Variants in CACNA2D3 observed in about 807,000 individuals in gnomAD.
CACNA2D3 encodes voltage-dependent calcium channel subunit alpha-2/delta-3.
CACNA2D3 carries 60 observed loss-of-function variants against 160.6 expected under a neutral mutation model. The ratio of observed to expected loss-of-function variants is 0.37; its 90% CI spans 0.30 to 0.46. The LOEUF is 0.46. Among genes scored for constraint, CACNA2D3 ranks in the 20% least tolerant of loss-of-function variants. The pLI, the probability that CACNA2D3 is intolerant of heterozygous loss-of-function variation, is 1.00. For missense variants in CACNA2D3, 1,205 were observed against 1,365.0 expected (o/e 0.88, Z 1.85); for synonymous variants, 558 against 492.9 (o/e 1.13, Z -1.75).
chr3:55,003,931 G>C (rs1326656028), intron 31 of CACNA2D3, among the ~76,000 whole-genome samples: 1 of 152,174 alleles, frequency 6.6e-6, no homozygotes, highest in African/African-American at 2.4e-5. Flanking sequence ...CAGGGAGCAA[G>C]GTCGGAGAAA....
intron 2 of CACNA2D3, among the ~76,000 whole-genome samples, chr3:54,152,472 T>C (rs544655815): frequency 5.9e-5 from 9 of 152,232 alleles, no homozygotes; most frequent in Non-Finnish European, 1.0e-4. Flanking sequence ...TTGAACAGTC[T>C]AGCAAATAGT....
intron 3 of CACNA2D3, among the ~76,000 whole-genome samples, chr3:54,380,408 C>G (rs964816113): frequency 7.2e-5 from 11 of 152,244 alleles, no homozygotes; most frequent in African/African-American, 2.7e-4. Context: ...CAGGTACACA[C>G]TGATGGACAA....
intron 2 of CACNA2D3, among the ~76,000 whole-genome samples, chr3:54,304,755 T>TA (rs1238642040): frequency 6.6e-6 from 1 of 152,198 alleles, no homozygotes; most frequent in African/African-American, 2.4e-5. Context: ...ATCACATCCT[T>TA]ACTTTTCTAT....
chr3:54,702,110 T>A (rs1303378806), intron 11 of CACNA2D3, among the ~76,000 whole-genome samples: 1 of 151,950 alleles, frequency 6.6e-6, no homozygotes, highest in Non-Finnish European at 1.5e-5. Context: ...AAAAATCAAC[T>A]CAAGATGGAT....
intron 3 of CACNA2D3, among the ~76,000 whole-genome samples, chr3:54,354,034 A>C (rs1189564400): frequency 6.6e-6 from 1 of 152,088 alleles, no homozygotes; most frequent in African/African-American, 2.4e-5. Flanking sequence ...TACTCTGTCA[A>C]ATATTTAAGG....
intron 4 of CACNA2D3, among the ~76,000 whole-genome samples, chr3:54,391,393 A>G (rs1017151648): frequency 2.0e-5 from 3 of 152,208 alleles, no homozygotes; most frequent in Non-Finnish European, 2.9e-5. Flanking sequence ...TTGGGGCAAG[A>G]GGCAAAATGC....
intron 27 of CACNA2D3, among the ~76,000 whole-genome samples, chr3:54,911,398 TC>T (rs1700554121): frequency 8.0e-6 from 1 of 125,786 alleles, no homozygotes; most frequent in South Asian, 2.8e-4. Context: ...CACACGTTTT[TC>T]CCCAGACTGG....
At position 54,537,388 on chromosome 3, in the gene CACNA2D3, G is replaced by A. The variant is rs544652091; in HGVS notation, c.545-25412G>A. On this transcript the variant is annotated intron_variant, in intron 5 of 37. Transcript: ENST00000474759. ...GAAATGCTTCAAACACACGTACCCC[G>A]TCCCTTGCTTGCCTCTCTGTGAAAT... Among the ~76,000 whole-genome samples the A allele has an allele frequency of 1.4e-4, 22 of 152,112 alleles. 1 individual carries two copies. The South Asian group carries it at 1.9e-3, about 13-fold the overall frequency.
chr3:54,853,156 G>A lies in CACNA2D3; in HGVS notation c.1626+6689G>A, dbSNP rs115331385. ...TCAGATGTCACCTCAGAGAAGCATC[G>A]CTGCGCCCACCCAGAGAAGCCATAC... On this transcript the variant is annotated intron_variant, in intron 17 of 37. Transcript: ENST00000474759. Among the ~76,000 whole-genome samples, 1,417 of 151,460 alleles carry A rather than the reference G, an allele frequency of 9.4e-3. 29 individuals carry two copies. The highest frequency in any genetic ancestry group is 0.032 in the African/African-American group (1,320 of 41,276).
chr3:54,202,147 G>T (rs1701190932), intron 2 of CACNA2D3, among the ~76,000 whole-genome samples: 1 of 152,178 alleles, frequency 6.6e-6, no homozygotes, highest in African/African-American at 2.4e-5. Context: ...CCTAGCCTGG[G>T]AATCCACCCT....
chr3:54,916,657 CTG>C (rs1179342521), intron 27 of CACNA2D3, among the ~76,000 whole-genome samples: 2 of 151,746 alleles, frequency 1.3e-5, no homozygotes, highest in African/African-American at 4.8e-5. Context: ...TAGATTGTCT[CTG>C]TGATTATTAG....
At chr3:54,387,040 G>C (rs1699199501) in intron 4 of CACNA2D3, among the ~76,000 whole-genome samples, 1 of 152,134 alleles carries the variant, frequency 6.6e-6, no homozygotes, top group African/African-American at 2.4e-5. Context: ...AGTTAAATCG[G>C]TCAACTGACA....
chr3:54,898,822 C>T (rs185083116), intron 26 of CACNA2D3, among the ~76,000 whole-genome samples: 104 of 152,182 alleles, frequency 6.8e-4, no homozygotes, highest in Admixed American at 2.5e-3. Flanking sequence ...TTACAGATGA[C>T]GTAACATCTT....
intron 11 of CACNA2D3, among the ~76,000 whole-genome samples, chr3:54,717,725 GGTGT>G (rs370029148): frequency 1.5e-4 from 20 of 137,916 alleles, no homozygotes; most frequent in Admixed American, 5.2e-4. Flanking sequence ...GTGCGTGTGC[GGTGT>G]GTGTGTGCAT....
At position 54,243,278 on chromosome 3, in the gene CACNA2D3, G is replaced by A. The variant is rs146865925; in HGVS notation, c.205-77164G>A. 5.8e-4 allele frequency among the ~76,000 whole-genome samples: 88 copies of A among 152,326 alleles called. No individual in the cohort carries two copies. In the East Asian group the frequency reaches 0.013, roughly 22 times the overall value. On this transcript the variant is annotated intron_variant, in intron 2 of 37. Coordinates refer to ENST00000474759, the MANE Select transcript of CACNA2D3 (RefSeq NM_018398.3). ...ATTGCGTGGGCTGTCAAATGTTTGC[G>A]AAACGGCAGCTGATGCCAGAAGAAT...
chr3:54,761,861 C>A (rs1702086237), intron 12 of CACNA2D3, among the ~76,000 whole-genome samples: 1 of 152,190 alleles, frequency 6.6e-6, no homozygotes, highest in African/African-American at 2.4e-5. Context: ...TTCAAACCAG[C>A]TGGCCTTTGT....
intron 15 of CACNA2D3, 134 bp downstream of exon 15, chr3:54,837,364 C>A: frequency 1.3e-6 from 1 of 746,424 alleles, no homozygotes; most frequent in Non-Finnish European, 2.3e-6. Context: ...TTTGATCTTG[C>A]TGTTAGAATC....
At chr3:54,442,743 A>G (rs73089451) in intron 4 of CACNA2D3, among the ~76,000 whole-genome samples, 19,288 of 152,148 alleles carry the variant, frequency 0.13, 1,555 homozygotes, top group Admixed American at 0.24. Context: ...CATTAATCCA[A>G]TCAACCATCT....
chr3:54,282,432 T>C (rs1431959903), intron 2 of CACNA2D3, among the ~76,000 whole-genome samples: 1 of 152,228 alleles, frequency 6.6e-6, no homozygotes, highest in Non-Finnish European at 1.5e-5. Context: ...TGAGGAAAGA[T>C]GCGTCAAGGT....
Sources: allele counts gnomAD v4.1 joint callset (sites outside exome capture counted in the v4.1 genomes callset), GRCh38; gene constraint gnomAD v4.1.1; transcripts MANE v1.5; gene names NCBI Gene and HGNC (gene_info 2026-07-23, HGNC 2026-07-21).